The following DNAJC1 variants were observed in gnomAD, a reference collection of about 807,000 sequenced individuals.
The protein encoded by DNAJC1 is dnaJ homolog subfamily C member 1.
A neutral mutation model predicts 76.6 loss-of-function variants in DNAJC1; 58 were observed. The ratio of observed to expected loss-of-function variants is 0.76; its 90% CI spans 0.61 to 0.94. The LOEUF is 0.94. Among genes scored for constraint, DNAJC1 ranks in the 40% least tolerant of loss-of-function variants. DNAJC1 has a pLI of 0.00. For synonymous variants in DNAJC1, 258 were observed against 267.9 expected (o/e 0.96, Z 0.36); for missense variants, 689 against 677.3 (o/e 1.02, Z -0.19).
intron 1 of DNAJC1, among the ~76,000 whole-genome samples, chr10:21,942,512 G>A (rs182166038): frequency 1.3e-5 from 2 of 152,034 alleles, no homozygotes; most frequent in East Asian, 1.9e-4. Context: ...ATATATATAA[G>A]ATAAATATAA....
At chr10:21,862,943 A>C (rs895361379) in intron 8 of DNAJC1, among the ~76,000 whole-genome samples, 1 of 152,028 alleles carries the variant, frequency 6.6e-6, no homozygotes, top group Non-Finnish European at 1.5e-5. Context: ...GACCAGCCTG[A>C]CCAACATGGA....
chr10:21,844,814 C>T lies in DNAJC1; in HGVS notation c.978+37468G>A, dbSNP rs140518942. On this transcript the variant is annotated intron_variant, in intron 8 of 11. Transcript: ENST00000376980. ...CTTTGGGAGGCCAAGGTGGGAGGAT[C>T]AATTGAACGTGAGCTCAATACCAGC... Among the ~76,000 whole-genome samples the T allele has an allele frequency of 4.2e-3, 636 of 152,262 alleles. 19 individuals are homozygous for T. The highest frequency in any genetic ancestry group is 0.015 in the East Asian group (78 of 5,176).
intron 1 of DNAJC1, among the ~76,000 whole-genome samples, chr10:21,939,332 T>C (rs1837364962): frequency 6.6e-6 from 1 of 152,236 alleles, no homozygotes; most frequent in Admixed American, 6.5e-5. Flanking sequence ...ATTTAGGAAC[T>C]TCAAACTCTA....
chr10:21,769,471 GC>G (rs994529175), intron 9 of DNAJC1, among the ~76,000 whole-genome samples: 2 of 152,166 alleles, frequency 1.3e-5, no homozygotes, highest in Admixed American at 1.3e-4. Flanking sequence ...TTAGTGAGAA[GC>G]TAAAACAAGC....
chr10:21,756,604 G>A lies in DNAJC1; in HGVS notation c.*83C>T, dbSNP rs1211528725. On this transcript the variant is annotated 3_prime_UTR_variant, in exon 12 of 12. Transcript: ENST00000376980. ...CTAAGGCACATGACGTAGAAATATTGAGGTACAAAATGCAAATTTCTGCAT... is the reference window on the plus strand; with the variant it reads ...CTAAGGCACATGACGTAGAAATATTAAGGTACAAAATGCAAATTTCTGCAT... 7 of 929,180 alleles carry A rather than the reference G, an allele frequency of 7.5e-6. No homozygotes were observed. In the East Asian group the frequency reaches 1.5e-4, roughly 20 times the overall value. The allele number at this position is 929,180 out of a possible 1,614,324, so 57.6% of individuals were successfully genotyped here. A position where few individuals can be genotyped will look rare whatever the true frequency, so the allele number is the denominator to read the frequency against.
At chr10:21,905,324 C>T (rs1836726377) in intron 6 of DNAJC1, among the ~76,000 whole-genome samples, 1 of 151,506 alleles carries the variant, frequency 6.6e-6, no homozygotes, top group South Asian at 2.1e-4. Flanking sequence ...ATGCTCTAGG[C>T]ATATGAGATC....
intron 7 of DNAJC1, among the ~76,000 whole-genome samples, chr10:21,898,474 A>G (rs1434948097): frequency 6.6e-6 from 1 of 152,074 alleles, no homozygotes; most frequent in Non-Finnish European, 1.5e-5. Context: ...AGTATAGCAC[A>G]TTCAATTGTG....
intron 2 of DNAJC1, among the ~76,000 whole-genome samples, chr10:21,928,823 G>T (rs1837170624): frequency 6.6e-6 from 1 of 151,612 alleles, no homozygotes; most frequent in Admixed American, 6.6e-5. Context: ...ATTTAGACAA[G>T]AAAATTATGA....
chr10:21,909,066 T>C (rs966248247), intron 6 of DNAJC1, among the ~76,000 whole-genome samples: 15 of 152,188 alleles, frequency 9.9e-5, no homozygotes, highest in Admixed American at 2.0e-4. Context: ...TTTGTATTTT[T>C]TAGTAGAGAC....
At chr10:21,809,153 G>A (rs1356979375) in intron 8 of DNAJC1, among the ~76,000 whole-genome samples, 2 of 152,016 alleles carry the variant, frequency 1.3e-5, no homozygotes, top group East Asian at 3.9e-4. Context: ...TATTTTTAAA[G>A]TAATCTATAT....
At chr10:22,000,336 G>A (rs1463871859) in intron 1 of DNAJC1, among the ~76,000 whole-genome samples, 1 of 152,158 alleles carries the variant, frequency 6.6e-6, no homozygotes, top group African/African-American at 2.4e-5. Flanking sequence ...GTCAAATCAT[G>A]TATCTTTTCT....
Position 21,941,076 on chromosome 10 carries a change from T to C in DNAJC1, c.223-11935A>G, listed in dbSNP as rs1159233198. On this transcript the variant is annotated intron_variant, in intron 1 of 11. Transcript: ENST00000376980. The stretch of plus-strand genomic sequence containing the variant: ...ACCATCCTGGCTAACACGGTGAAAC[T>C]CCGTCTCTACTAAAAATACAAAAAA... Among the ~76,000 whole-genome samples the C allele has an allele frequency of 9.3e-5, 11 of 117,666 alleles. No homozygotes were observed. The South Asian group carries it at 1.6e-3, about 17-fold the overall frequency. 77.2% of individuals were successfully genotyped at this position (117,666 alleles called of 152,430 possible).
intron 8 of DNAJC1, among the ~76,000 whole-genome samples, chr10:21,875,412 T>A (rs1417648902): frequency 6.6e-6 from 1 of 152,182 alleles, no homozygotes; most frequent in African/African-American, 2.4e-5. Flanking sequence ...CACCTCAGCC[T>A]CCTGAAGTGT....
At chr10:21,832,426 T>C (rs145482368) in intron 8 of DNAJC1, among the ~76,000 whole-genome samples, 5 of 152,354 alleles carry the variant, frequency 3.3e-5, no homozygotes, top group Non-Finnish European at 7.4e-5. Context: ...TGTTTCCTGA[T>C]GTATGTCCCA....
intron 1 of DNAJC1, among the ~76,000 whole-genome samples, chr10:21,946,047 CTCT>C (rs1386898388): frequency 8.8e-4 from 87 of 99,078 alleles, no homozygotes; most frequent in African/African-American, 2.6e-3. Context: ...CTTTCTTTTC[CTCT>C]TTTTTTTTTT....
chr10:21,888,155 T>C (rs910382847), intron 7 of DNAJC1, among the ~76,000 whole-genome samples: 2 of 152,140 alleles, frequency 1.3e-5, no homozygotes, highest in African/African-American at 4.8e-5. Context: ...CACTGATTAT[T>C]AGAGTAATGC....
chr10:21,959,589 C>G (rs540411492), intron 1 of DNAJC1, among the ~76,000 whole-genome samples: 6 of 151,804 alleles, frequency 4.0e-5, no homozygotes, highest in South Asian at 4.2e-4. Context: ...AGTTTGAGAC[C>G]AGCCTGGCCA....
chr10:21,987,091 A>G (rs992874203), intron 1 of DNAJC1, among the ~76,000 whole-genome samples: 2 of 152,210 alleles, frequency 1.3e-5, no homozygotes, highest in African/African-American at 4.8e-5. Context: ...AACAATACAT[A>G]TCAATTCGGA....
intron 8 of DNAJC1, among the ~76,000 whole-genome samples, chr10:21,807,602 T>C (rs972189879): frequency 6.6e-6 from 1 of 152,212 alleles, no homozygotes; most frequent in Non-Finnish European, 1.5e-5. Flanking sequence ...GAATGTTCGC[T>C]GAAGCAGATA....
Sources: allele counts gnomAD v4.1 joint callset (sites outside exome capture counted in the v4.1 genomes callset), GRCh38; gene constraint gnomAD v4.1.1; transcripts MANE v1.5; gene names NCBI Gene and HGNC (gene_info 2026-07-23, HGNC 2026-07-21).